ZNF430: variants seen among roughly 807,000 people sequenced by gnomAD.
ZNF430 encodes the protein zinc finger protein 430.
In ZNF430, 35 loss-of-function variants were observed where a neutral mutation model predicts 56.7. That is an observed-to-expected ratio of 0.62 (90% confidence interval 0.47 to 0.82). The LOEUF is 0.82. Among genes scored for constraint, ZNF430 ranks in the 40% least tolerant of loss-of-function variants. ZNF430 has a pLI of 0.00. For missense variants in ZNF430, 574 were observed against 661.0 expected (o/e 0.87, Z 1.44); for synonymous variants, 212 against 224.3 (o/e 0.94, Z 0.49).
rs1365237751 is a variant in ZNF430, at chr19:21,051,201, G to A, written c.323-5430G>A. Among the ~76,000 whole-genome samples, 3 of 152,028 alleles carry A rather than the reference G, an allele frequency of 2.0e-5. No homozygotes were observed. In the South Asian group the frequency reaches 6.2e-4, roughly 32 times the overall value. On this transcript the variant is annotated intron_variant, in intron 4 of 4. Transcript: ENST00000261560. The stretch of plus-strand genomic sequence containing the variant: ...CACTCTGTTTTCTCTTTCTAAGAGT[G>A]TAACTGTTTCATGTATCTTCTACAG...
At chr19:21,044,078 T>C (rs1968149946) in intron 4 of ZNF430, among the ~76,000 whole-genome samples, 2 of 151,412 alleles carry the variant, frequency 1.3e-5, no homozygotes, top group African/African-American at 2.4e-5. Flanking sequence ...CCCTTATTTA[T>C]TTTTCTTGCC....
chr19:21,030,977 G>A (rs1896717995), intron 2 of ZNF430, among the ~76,000 whole-genome samples: 1 of 152,126 alleles, frequency 6.6e-6, no homozygotes, highest in African/African-American at 2.4e-5. Context: ...CCGCCTCCTG[G>A]GTTCAAGCCA....
chr19:21,026,004 A>G (rs1967786443), intron 2 of ZNF430: 1 of 391,460 alleles, frequency 2.6e-6, no homozygotes, highest in Non-Finnish European at 4.8e-6. Flanking sequence ...TGTGGGCCCC[A>G]GATCCATGGC....
At chr19:21,035,587 A>G in intron 4 of ZNF430, 1 of 215,276 alleles carries the variant, frequency 4.6e-6, no homozygotes, top group Non-Finnish European at 9.9e-6. Flanking sequence ...GGCACAATGT[A>G]GTTTTGCATT....
At chr19:21,047,014 C>G (rs755610491) in intron 4 of ZNF430, among the ~76,000 whole-genome samples, 1 of 152,132 alleles carries the variant, frequency 6.6e-6, no homozygotes, top group Non-Finnish European at 1.5e-5. Context: ...TCATAGACCT[C>G]AGAGATTTCT....
Position 21,057,187 on chromosome 19 carries a change from A to G in ZNF430, c.879A>G (p.Glu293=). ...HTGEKPYRCE[E]CGKTFNRSSH... is the part of the protein sequence containing the mutation. ...GAGAGAAACCCTACAGATGTGAAGAATGTGGCAAAACCTTTAACCGGTCCT... is the reference window on the plus strand; with the variant it reads ...GAGAGAAACCCTACAGATGTGAAGAGTGTGGCAAAACCTTTAACCGGTCCT... Residue 293 remains glutamate (E), a synonymous_variant, in exon 5 of 5, where the codon GAA becomes GAG. Coordinates refer to ENST00000261560, the MANE Select transcript of ZNF430 (RefSeq NM_025189.4). 6.2e-7 allele frequency: 1 copy of G among 1,613,960 alleles called. No individual in the cohort carries two copies. Among genetic ancestry groups the G allele is most frequent in the Non-Finnish European group, 8.5e-7 (1 of 1,179,984 alleles).
At chr19:21,023,274 C>G (rs962347383) in intron 2 of ZNF430, among the ~76,000 whole-genome samples, 1 of 152,088 alleles carries the variant, frequency 6.6e-6, no homozygotes, top group African/African-American at 2.4e-5. Flanking sequence ...GATTGAATGG[C>G]CTGACTTGAA....
At chr19:21,022,181 C>T (rs144349567) in intron 1 of ZNF430, among the ~76,000 whole-genome samples, 1 of 152,158 alleles carries the variant, frequency 6.6e-6, no homozygotes, top group African/African-American at 2.4e-5. Context: ...TCTAGAGACA[C>T]CTCAGTCTAA....
At chr19:21,042,515 C>T (rs532596726) in intron 4 of ZNF430, among the ~76,000 whole-genome samples, 94 of 152,182 alleles carry the variant, frequency 6.2e-4, no homozygotes, top group African/African-American at 1.6e-3. Flanking sequence ...TGGCCGGGCA[C>T]GGTGGCTCAC....
chr19:21,048,510 T>C (rs1968223603), intron 4 of ZNF430, among the ~76,000 whole-genome samples: 1 of 152,140 alleles, frequency 6.6e-6, no homozygotes, highest in Non-Finnish European at 1.5e-5. Context: ...GGTAAGGTTA[T>C]AGATTAACAG....
At chr19:21,042,656 C>G (rs879815887) in intron 4 of ZNF430, among the ~76,000 whole-genome samples, 36 of 151,958 alleles carry the variant, frequency 2.4e-4, no homozygotes, top group Admixed American at 8.5e-4. Flanking sequence ...GGCGTGGTGG[C>G]GGACGCCTGT....
intron 4 of ZNF430, among the ~76,000 whole-genome samples, chr19:21,048,211 A>G (rs1239603756): frequency 1.2e-5 from 1 of 83,244 alleles, no homozygotes; most frequent in Non-Finnish European, 2.1e-5. Context: ...TTTATTGATC[A>G]TTCCTGGGTG....
chr19:21,033,323 G>T, intron 2 of ZNF430, 133 bp from the exon 3 acceptor site: 5 of 1,227,762 alleles, frequency 4.1e-6, no homozygotes, highest in Non-Finnish European at 4.4e-6. Context: ...AAAAATTATT[G>T]GATAATTTCA....
chr19:21,057,542 T>C lies in ZNF430; in HGVS notation c.1234T>C (p.Trp412Arg). The C allele has an allele frequency of 6.2e-7, 1 of 1,607,640 alleles. No homozygotes were observed. Among genetic ancestry groups the C allele is most frequent in the Non-Finnish European group, 8.5e-7 (1 of 1,178,262 alleles). The change falls in exon 5 of 5, where the codon TGG becomes CGG. Residue 412 changes from tryptophan to arginine, a missense_variant. Trp to Arg is a moderately radical substitution (Grantham distance 101). Transcript: ENST00000261560. The stretch of plus-strand genomic sequence containing the variant: ...TGAAGAATGTGGCAAAGGCTTTAAT[T>C]GGTCCTCGACCCTTACTAAACATAA... ...KCEECGKGFNWSSTLTKHKRI... is the reference protein window; with the variant it reads ...KCEECGKGFNRSSTLTKHKRI...
At chr19:21,052,003 T>G (rs1280127342) in intron 4 of ZNF430, among the ~76,000 whole-genome samples, 1 of 152,130 alleles carries the variant, frequency 6.6e-6, no homozygotes, top group Admixed American at 6.5e-5. Flanking sequence ...AAAAAAAAAT[T>G]GCATTAAATC....
chr19:21,027,554 T>C (rs1967827033), intron 2 of ZNF430, among the ~76,000 whole-genome samples: 2 of 152,154 alleles, frequency 1.3e-5, no homozygotes, highest in South Asian at 4.1e-4. Context: ...ATTTTGTTGA[T>C]GGTATTTTCA....
intron 1 of ZNF430, 114 bp downstream of exon 1, chr19:21,020,917 C>G: frequency 6.9e-7 from 1 of 1,457,258 alleles, no homozygotes; most frequent in Non-Finnish European, 9.6e-7. Flanking sequence ...ATCTGCGCCC[C>G]GAGTTCTTGC....
chr19:21,028,130 G>A (rs769090022), intron 2 of ZNF430, among the ~76,000 whole-genome samples: 24 of 152,266 alleles, frequency 1.6e-4, no homozygotes, highest in South Asian at 4.1e-4. Context: ...CAGACTTTAG[G>A]TTGAGAATGT....
At chr19:21,050,334 G>A (rs1968263439) in intron 4 of ZNF430, among the ~76,000 whole-genome samples, 1 of 152,044 alleles carries the variant, frequency 6.6e-6, no homozygotes, top group African/African-American at 2.4e-5. Context: ...CCAATTAACT[G>A]TGTTTTGATG....
Sources: gnomAD v4.1 joint callset for allele counts (sites outside exome capture counted in the v4.1 genomes callset) on GRCh38, gnomAD v4.1.1 for gene constraint, MANE v1.5 for transcripts, NCBI Gene and HGNC (gene_info 2026-07-23, HGNC 2026-07-21) for gene names.